The following PTK2 variants were observed in gnomAD, a reference collection of about 807,000 sequenced individuals.
PTK2 encodes the protein focal adhesion kinase 1.
In PTK2, 45 loss-of-function variants were observed where a neutral mutation model predicts 150.1. The ratio of observed to expected loss-of-function variants is 0.30; its 90% CI spans 0.24 to 0.38. The LOEUF is 0.38. Ranked by LOEUF, PTK2 falls within the 10% of genes least tolerant of loss-of-function variation. The probability of loss-of-function intolerance (pLI) is 1.00; values close to 1 mark genes in which losing one functional copy is unlikely to be tolerated. For synonymous variants in PTK2, 432 were observed against 449.2 expected (o/e 0.96, Z 0.48); for missense variants, 919 against 1,307.3 (o/e 0.70, Z 4.58).
intron 12 of PTK2, among the ~76,000 whole-genome samples, chr8:140,797,402 G>A (rs1388962942): frequency 6.6e-6 from 1 of 152,036 alleles, no homozygotes; most frequent in Admixed American, 6.6e-5. Context: ...TGTACTAAAC[G>A]AAACGTTTTA....
intron 1 of PTK2, among the ~76,000 whole-genome samples, chr8:140,963,892 G>A (rs934432368): frequency 2.6e-5 from 4 of 152,170 alleles, no homozygotes; most frequent in Non-Finnish European, 5.9e-5. Flanking sequence ...GGGAGAAGGA[G>A]AGAAAGAACA....
At chr8:140,938,193 G>C (rs2100174373) in intron 1 of PTK2, among the ~76,000 whole-genome samples, 1 of 152,246 alleles carries the variant, frequency 6.6e-6, no homozygotes, top group South Asian at 2.1e-4. Flanking sequence ...CCTGTTCCCT[G>C]TGCTTTCATT....
At chr8:140,748,912 A>G (rs546203119) in intron 17 of PTK2, among the ~76,000 whole-genome samples, 3 of 152,230 alleles carry the variant, frequency 2.0e-5, no homozygotes, top group Non-Finnish European at 4.4e-5. Flanking sequence ...CAGACTATAA[A>G]AATGGGGAAA....
chr8:140,955,030 G>A (rs1587154785), intron 1 of PTK2, among the ~76,000 whole-genome samples: 1 of 152,278 alleles, frequency 6.6e-6, no homozygotes, highest in African/African-American at 2.4e-5. Flanking sequence ...AAATATACAT[G>A]AAATAACTAA....
At chr8:140,825,846 T>A (rs1227078322) in intron 8 of PTK2, among the ~76,000 whole-genome samples, 1 of 152,248 alleles carries the variant, frequency 6.6e-6, no homozygotes, top group Non-Finnish European at 1.5e-5. Context: ...AGAATGTCCC[T>A]CAATTTGGGT....
intron 13 of PTK2, among the ~76,000 whole-genome samples, chr8:140,791,839 A>G (rs1004579787): frequency 9.8e-5 from 15 of 152,354 alleles, no homozygotes; most frequent in Middle Eastern, 3.4e-3. Flanking sequence ...ATTGAAAAAA[A>G]GGTAAATGTA....
chr8:140,675,497 A>C, exon 28 of PTK2: 1 of 1,609,456 alleles, frequency 6.2e-7, no homozygotes, highest in South Asian at 1.1e-5. Flanking sequence ...GTTGGTTTCC[A>C]ATCTGTGGGA....
chr8:140,748,992 T>C (rs971739164), intron 17 of PTK2, among the ~76,000 whole-genome samples: 1 of 152,222 alleles, frequency 6.6e-6, no homozygotes, highest in Non-Finnish European at 1.5e-5. Flanking sequence ...CAACATGTAA[T>C]ACTGCCAACA....
At chr8:140,859,585 C>T (rs1007026216) in intron 5 of PTK2, among the ~76,000 whole-genome samples, 6 of 152,084 alleles carry the variant, frequency 3.9e-5, no homozygotes, top group African/African-American at 7.2e-5. Context: ...TTAGAGAATG[C>T]GTATCATCAA....
intron 1 of PTK2, among the ~76,000 whole-genome samples, chr8:140,944,603 C>G (rs78875918): frequency 3.9e-5 from 6 of 152,132 alleles, no homozygotes; most frequent in East Asian, 1.9e-4. Flanking sequence ...CACATGACAG[C>G]GATTACGATT....
intron 2 of PTK2, among the ~76,000 whole-genome samples, chr8:140,895,937 T>A (rs184535098): frequency 1.8e-4 from 28 of 152,112 alleles, no homozygotes; most frequent in Admixed American, 1.6e-3. Flanking sequence ...GTTACTCTTT[T>A]AAAAAACAAA....
chr8:140,957,126 T>C (rs1021452725), intron 1 of PTK2, among the ~76,000 whole-genome samples: 26 of 151,960 alleles, frequency 1.7e-4, no homozygotes, highest in African/African-American at 5.8e-4. Context: ...GAAAAGCTCA[T>C]AGAATATGGA....
At chr8:140,791,330 C>A (rs1374618444) in intron 13 of PTK2, among the ~76,000 whole-genome samples, 1 of 152,166 alleles carries the variant, frequency 6.6e-6, no homozygotes. Context: ...GAACATGCCA[C>A]ATTGCCCAGC....
chr8:140,887,238 T>A (rs2100152647), intron 3 of PTK2, among the ~76,000 whole-genome samples: 1 of 152,136 alleles, frequency 6.6e-6, no homozygotes, highest in South Asian at 2.1e-4. Context: ...CTCTCACAGA[T>A]CCCCACCACT....
intron 24 of PTK2, 128 bp from the exon 28 acceptor site, chr8:140,702,835 C>T: frequency 9.5e-7 from 1 of 1,054,452 alleles, no homozygotes; most frequent in Non-Finnish European, 1.3e-6. Context: ...CCAAAGATAC[C>T]CATGTTCTAA....
intron 25 of PTK2, among the ~76,000 whole-genome samples, chr8:140,702,107 G>C (rs1364553295): frequency 2.3e-5 from 2 of 88,496 alleles, no homozygotes; most frequent in African/African-American, 9.1e-5. Flanking sequence ...CAGCCTGGGA[G>C]ACAGAGTAAG....
At chr8:140,779,245 GAAAAAAAAAAAAAAGAAA>G (rs1170836206) in intron 14 of PTK2, among the ~76,000 whole-genome samples, 67 of 112,078 alleles carry the variant, frequency 6.0e-4, no homozygotes, top group African/African-American at 2.1e-3. Flanking sequence ...CTGGGCGATG[GAAAAAAAAAAAAAAGAAA>G]AAAAAAAAAA....
chr8:140,933,008 C>T (rs1223424235), intron 1 of PTK2, among the ~76,000 whole-genome samples: 1 of 152,008 alleles, frequency 6.6e-6, no homozygotes, highest in African/African-American at 2.4e-5. Flanking sequence ...TGTGCCACCA[C>T]ACCCGGCTAA....
At chr8:140,922,555 A>C (rs2100167907) in intron 2 of PTK2, among the ~76,000 whole-genome samples, 1 of 152,146 alleles carries the variant, frequency 6.6e-6, no homozygotes, top group Non-Finnish European at 1.5e-5. Context: ...CTGGAGTTTA[A>C]TCTGAGCCAT....
Sources: gnomAD v4.1 joint callset for allele counts (sites outside exome capture counted in the v4.1 genomes callset) on GRCh38, gnomAD v4.1.1 for gene constraint, MANE v1.5 for transcripts, NCBI Gene and HGNC (gene_info 2026-07-23, HGNC 2026-07-21) for gene names.